LRP1B: variants seen among roughly 807,000 people sequenced by gnomAD.
LRP1B encodes the protein low-density lipoprotein receptor-related protein 1B.
In LRP1B, 217 loss-of-function variants were observed where a neutral mutation model predicts 556.6. The ratio of observed to expected loss-of-function variants is 0.39; its 90% CI spans 0.35 to 0.44. The LOEUF is 0.44. Among genes scored for constraint, LRP1B ranks in the 20% least tolerant of loss-of-function variants. The probability of loss-of-function intolerance (pLI) is 1.00; values close to 1 mark genes in which losing one functional copy is unlikely to be tolerated. For missense variants in LRP1B, 5,053 were observed against 5,620.8 expected, an observed-to-expected ratio of 0.90 and a Z score of 3.23; for synonymous variants, 2,047 against 1,865.8, an observed-to-expected ratio of 1.10 and a Z score of -2.50.
At chr2:140,789,782 C>T (rs1047502387) in intron 32 of LRP1B, among the ~76,000 whole-genome samples, 2 of 150,804 alleles carry the variant, frequency 1.3e-5, no homozygotes, top group African/African-American at 2.4e-5. Context: ...AGGCGCCCGC[C>T]ACTACGCCCG....
intron 86 of LRP1B, among the ~76,000 whole-genome samples, chr2:140,248,489 CATT>C (rs1427889989): frequency 6.6e-6 from 1 of 151,526 alleles, no homozygotes; most frequent in Admixed American, 6.6e-5. Context: ...AAAGCTAACA[CATT>C]ATATAATTTT....
intron 35 of LRP1B, among the ~76,000 whole-genome samples, chr2:140,722,821 A>G (rs988530189): frequency 3.3e-5 from 5 of 152,204 alleles, no homozygotes; most frequent in Non-Finnish European, 7.3e-5. Flanking sequence ...AGGCAGGAGG[A>G]TCACGAGGTC....
At chr2:141,125,455 T>C (rs949411753) in intron 7 of LRP1B, among the ~76,000 whole-genome samples, 2 of 152,182 alleles carry the variant, frequency 1.3e-5, no homozygotes, top group Non-Finnish European at 2.9e-5. Context: ...AGAAAGAAGA[T>C]AGGAAGTGCA....
intron 7 of LRP1B, among the ~76,000 whole-genome samples, chr2:141,099,187 A>G (rs1454671252): frequency 3.3e-5 from 5 of 152,210 alleles, no homozygotes; most frequent in Non-Finnish European, 7.3e-5. Context: ...TGTCTCACCC[A>G]TAATTGGCTT....
At chr2:141,302,323 G>A (rs1245124750) in intron 3 of LRP1B, among the ~76,000 whole-genome samples, 1 of 152,020 alleles carries the variant, frequency 6.6e-6, no homozygotes, top group Non-Finnish European at 1.5e-5. Context: ...GGTGTGCAAA[G>A]CCAGTACATT....
At chr2:141,588,921 A>G (rs2105291232) in intron 2 of LRP1B, among the ~76,000 whole-genome samples, 1 of 152,302 alleles carries the variant, frequency 6.6e-6, no homozygotes, top group South Asian at 2.1e-4. Flanking sequence ...ACAGGTCCAC[A>G]TGGAGAATTT....
chr2:141,742,246 T>C (rs1385549801), intron 2 of LRP1B, among the ~76,000 whole-genome samples: 1 of 125,824 alleles, frequency 7.9e-6, no homozygotes, highest in African/African-American at 4.5e-5. Context: ...GTTTTTTTTT[T>C]CTTTCTTTCT....
At chr2:140,632,170 A>G (rs1209056631) in intron 41 of LRP1B, among the ~76,000 whole-genome samples, 1 of 152,234 alleles carries the variant, frequency 6.6e-6, no homozygotes. Context: ...GGGAGAAGGA[A>G]AATGATACAA....
intron 84 of LRP1B, among the ~76,000 whole-genome samples, chr2:140,282,102 T>C (rs1347722238): frequency 1.3e-5 from 2 of 151,868 alleles, no homozygotes; most frequent in African/African-American, 4.8e-5. Flanking sequence ...TTCTCCAAGA[T>C]ATCCTTTGGC....
At chr2:140,684,358 A>T (rs1415008827) in intron 41 of LRP1B, among the ~76,000 whole-genome samples, 1 of 152,236 alleles carries the variant, frequency 6.6e-6, no homozygotes, top group South Asian at 2.1e-4. Context: ...TGACTAAATT[A>T]ATCTAATTTG....
intron 3 of LRP1B, among the ~76,000 whole-genome samples, chr2:141,324,635 T>C (rs1358819378): frequency 6.6e-6 from 1 of 152,162 alleles, no homozygotes; most frequent in Non-Finnish European, 1.5e-5. Flanking sequence ...TGTTTGATAT[T>C]GTCCAATCTG....
At chr2:141,789,963 A>T (rs555625186) in intron 2 of LRP1B, among the ~76,000 whole-genome samples, 1 of 151,970 alleles carries the variant, frequency 6.6e-6, no homozygotes, top group South Asian at 2.1e-4. Flanking sequence ...AGCACTCTAT[A>T]GTCCCTGAAG....
chr2:140,690,913 T>C (rs922321754), intron 41 of LRP1B, among the ~76,000 whole-genome samples: 2 of 152,182 alleles, frequency 1.3e-5, no homozygotes, highest in African/African-American at 4.8e-5. Flanking sequence ...ATTTAGCTAA[T>C]AAATGTAGAT....
intron 7 of LRP1B, among the ~76,000 whole-genome samples, chr2:141,135,316 G>A (rs16845486): frequency 0.048 from 7,279 of 151,968 alleles, 554 homozygotes; most frequent in African/African-American, 0.17. Flanking sequence ...GTAGCACAAT[G>A]TCCTTAGAAT....
chr2:141,221,159 T>C (rs991537119), intron 6 of LRP1B, among the ~76,000 whole-genome samples: 2 of 151,868 alleles, frequency 1.3e-5, no homozygotes, highest in African/African-American at 4.8e-5. Flanking sequence ...AAGAGACCCA[T>C]CTCACATGCA....
At chr2:141,920,993 A>G (rs1011212262) in intron 1 of LRP1B, among the ~76,000 whole-genome samples, 3 of 152,050 alleles carry the variant, frequency 2.0e-5, no homozygotes, top group Admixed American at 2.0e-4. Flanking sequence ...CTCCATGAAC[A>G]TTCCTTCATC....
chr2:140,684,313 G>A (rs919567506), intron 41 of LRP1B, among the ~76,000 whole-genome samples: 4 of 152,186 alleles, frequency 2.6e-5, no homozygotes, highest in Non-Finnish European at 5.9e-5. Context: ...AATGCTGGCA[G>A]AAAAAGATGG....
chr2:141,121,596 AAG>A (rs1701049613), intron 7 of LRP1B, among the ~76,000 whole-genome samples: 1 of 152,028 alleles, frequency 6.6e-6, no homozygotes, highest in African/African-American at 2.4e-5. Flanking sequence ...AAGGAAATAA[AAG>A]AGGATACAAA....
chr2:140,378,977 C>A (rs1483043665), intron 67 of LRP1B, among the ~76,000 whole-genome samples: 1 of 152,182 alleles, frequency 6.6e-6, no homozygotes, highest in African/African-American at 2.4e-5. Flanking sequence ...AGGGCATAAG[C>A]CACATAGTAA....
Sources: allele counts gnomAD v4.1 joint callset (sites outside exome capture counted in the v4.1 genomes callset), GRCh38; gene constraint gnomAD v4.1.1; transcripts MANE v1.5; gene names NCBI Gene and HGNC (gene_info 2026-07-23, HGNC 2026-07-21).